DDX21: variants seen among roughly 807,000 people sequenced by gnomAD.
DDX21 encodes the protein DExD-box helicase 21.
Under a neutral mutation model 90.0 loss-of-function variants are expected in DDX21, and 18 were observed. The ratio of observed to expected loss-of-function variants is 0.20; its 90% CI spans 0.14 to 0.30. DDX21 has a LOEUF of 0.30. DDX21 is among the 10% of genes least tolerant of loss of function. The pLI, the probability that DDX21 is intolerant of heterozygous loss-of-function variation, is 1.00. For missense variants in DDX21, 673 were observed against 944.5 expected (o/e 0.71, Z 3.77); for synonymous variants, 294 against 318.0 (o/e 0.92, Z 0.80).
intron 2 of DDX21, among the ~76,000 whole-genome samples, chr10:68,961,100 A>G (rs1229272960): frequency 6.6e-6 from 1 of 152,198 alleles, no homozygotes; most frequent in Non-Finnish European, 1.5e-5. Context: ...TACGAATTGT[A>G]TTAAAAAAAT....
At chr10:68,956,571 C>G in intron 1 of DDX21, 2 of 1,312,854 alleles carry the variant, frequency 1.5e-6, no homozygotes, top group Non-Finnish European at 2.0e-6. Context: ...GGTCGGAACT[C>G]TGGTAGAGAG....
intron 5 of DDX21, 123 bp downstream of exon 5, chr10:68,965,617 T>A: frequency 1.4e-6 from 1 of 696,418 alleles, no homozygotes; most frequent in Non-Finnish European, 2.4e-6. Context: ...GGGATTTTCT[T>A]TTGCCATTGT....
rs1843216400 is a variant in DDX21 at position 68,982,942 on chromosome 10, TCAGA to T, written c.*133_*136del. ...ACCACTTGCCAAGTCCCTGTCTCTT[TCAGA>T]CACAGACAAGCTTCATTTAAATTAT... On this transcript the variant is annotated 3_prime_UTR_variant, in exon 15 of 15. Coordinates refer to ENST00000354185, the MANE Select transcript of DDX21 (RefSeq NM_004728.4). 3.6e-6 allele frequency: 4 copies of T among 1,115,948 alleles called. No individual in the cohort carries two copies. The South Asian group carries it at 6.7e-5, about 19-fold the overall frequency. 69.1% of individuals were successfully genotyped at this position (1,115,948 alleles called of 1,614,324 possible).
intron 8 of DDX21, among the ~76,000 whole-genome samples, chr10:68,970,583 T>G (rs889246940): frequency 1.3e-5 from 2 of 151,296 alleles, no homozygotes. Flanking sequence ...TGAGTTCAAG[T>G]GATTCTCCCA....
In DDX21 at chr10:68,972,042, C is replaced by T; in HGVS notation, c.1538C>T (p.Ser513Phe). 1 of 1,613,668 alleles carries T rather than the reference C, an allele frequency of 6.2e-7. No individual in the cohort carries two copies. Among genetic ancestry groups the T allele is most frequent in the Non-Finnish European group, 8.5e-7 (1 of 1,179,764 alleles). The change falls in exon 9 of 15, where the codon TCT becomes TTT. Residue 513 changes from serine to phenylalanine, a missense_variant. This residue lies in a region of DDX21 where 26 missense variants were observed against 76.9 expected (regional missense o/e 0.34). Coordinates refer to ENST00000354185, the MANE Select transcript of DDX21 (RefSeq NM_004728.4). ...GAGGTTGATTTGGTTATACAAAGCTCTCCACCAAAGGTATGTGCTTTATGC... is the reference window on the plus strand; with the variant it reads ...GAGGTTGATTTGGTTATACAAAGCTTTCCACCAAAGGTATGTGCTTTATGC... ...IPEVDLVIQSSPPKDVESYIH... is the reference protein window; with the variant it reads ...IPEVDLVIQSFPPKDVESYIH...
At chr10:68,977,974 G>A (rs1351822498) in intron 12 of DDX21, among the ~76,000 whole-genome samples, 2 of 151,974 alleles carry the variant, frequency 1.3e-5, no homozygotes, top group South Asian at 4.1e-4. Flanking sequence ...AAATTAGCTG[G>A]GCGTGGTGAC....
At position 68,959,818 on chromosome 10, in the gene DDX21, G is replaced by T; in HGVS notation, c.100G>T (p.Glu34Ter). ...GAATTTTTTTTAGAAAGAGAAAAAAGAGAAGCCAAAATCTGATAAGACTGA... is the reference window on the plus strand; with the variant it reads ...GAATTTTTTTTAGAAAGAGAAAAAATAGAAGCCAAAATCTGATAAGACTGA... ...RKQTEEKEKK[E>*]KPKSDKTEEI... Residue 34 changes from glutamate to a stop codon, truncating the protein, a stop_gained, in exon 2 of 15, where the codon GAG (glutamate) becomes TAG (stop). Transcript: ENST00000354185. LOFTEE classifies it high-confidence loss of function. 2 of 1,532,680 alleles carry T rather than the reference G, an allele frequency of 1.3e-6. No homozygotes were observed. The highest frequency in any genetic ancestry group is 1.3e-5 in the South Asian group (1 of 77,302). The allele number at this position is 1,532,680 out of a possible 1,614,324, so 94.9% of individuals were successfully genotyped here.
At chr10:68,970,955 A>ATTTTTTTTTTT (rs56314802) in intron 8 of DDX21, among the ~76,000 whole-genome samples, 2 of 72,520 alleles carry the variant, frequency 2.8e-5, no homozygotes, top group African/African-American at 5.0e-5. Flanking sequence ...GCCCAGCCTA[A>ATTTTTTTTTTT]TTTTTTTTTT....
Position 68,982,690 on chromosome 10 carries a change from T to C in DDX21, c.2230T>C (p.Phe744Leu). Residue 744 changes from phenylalanine (F) to leucine (L), a missense_variant, in exon 15 of 15, where the codon TTC (phenylalanine) becomes CTC (leucine). By Grantham distance (22) the Phe-to-Leu change is conservative (BLOSUM62 0). Transcript: ENST00000354185. ...GGGACAGCGGGACGGAAACAGAAGA[T>C]TCAGAGGACAGCGGGAAGGCAGTAG... Reference protein sequence around the residue: ...FRGQRDGNRRFRGQREGSRGP... With the variant: ...FRGQRDGNRRLRGQREGSRGP... The C allele has an allele frequency of 6.2e-7, 1 of 1,613,710 alleles. No homozygotes were observed. Among genetic ancestry groups the C allele is most frequent in the Non-Finnish European group, 8.5e-7 (1 of 1,179,954 alleles).
chr10:68,966,169 A>G (rs982489304), intron 5 of DDX21, among the ~76,000 whole-genome samples: 19 of 150,886 alleles, frequency 1.3e-4, no homozygotes, highest in Non-Finnish European at 1.9e-4. Context: ...GGTGGCAGGC[A>G]CCTGTAGTCC....
At position 68,956,218 on chromosome 10, in the gene DDX21, C is replaced by G; in HGVS notation, c.-8C>G. ...AAGACCGGTCGGCCTGGGCAACCTG[C>G]GCTGAAGATGCCGGGAAAACTCCGT... On this transcript the variant is annotated 5_prime_UTR_variant, in exon 1 of 15. Coordinates refer to ENST00000354185, the MANE Select transcript of DDX21 (RefSeq NM_004728.4). The G allele has an allele frequency of 1.1e-5, 17 of 1,613,770 alleles. No individual in the cohort carries two copies. The highest frequency in any genetic ancestry group is 1.4e-5 in the Non-Finnish European group (17 of 1,179,838).
chr10:68,974,424 A>G (rs1843067058), intron 10 of DDX21, among the ~76,000 whole-genome samples: 1 of 152,256 alleles, frequency 6.6e-6, no homozygotes, highest in African/African-American at 2.4e-5. Flanking sequence ...GGGTTTGATT[A>G]ATAGTTTAGC....
rs752920998 is a variant in DDX21 at position 68,982,642 on chromosome 10, C to T, written c.2182C>T (p.Arg728Trp). Residue 728 changes from arginine to tryptophan, a missense_variant, in exon 15 of 15, where the codon CGG becomes TGG. By Grantham distance (101) the Arg-to-Trp change is moderately radical (BLOSUM62 -3). Transcript: ENST00000354185. Reference protein sequence around the residue: ...REGYGGFRGQREGSRGFRGQR... With the variant: ...REGYGGFRGQWEGSRGFRGQR... ...AGGATATGGAGGCTTCAGGGGACAGCGGGAAGGCAGTCGAGGCTTCAGGGG... is the reference window on the plus strand; with the variant it reads ...AGGATATGGAGGCTTCAGGGGACAGTGGGAAGGCAGTCGAGGCTTCAGGGG... The T allele has an allele frequency of 1.1e-5, 18 of 1,612,908 alleles. No individual in the cohort carries two copies. The highest frequency in any genetic ancestry group is 6.7e-5 in the East Asian group (3 of 44,880).
chr10:68,972,405 CTG>C (rs981130182), intron 9 of DDX21, among the ~76,000 whole-genome samples: 1 of 152,148 alleles, frequency 6.6e-6, no homozygotes, highest in African/African-American at 2.4e-5. Context: ...TAATTAACCT[CTG>C]TGGTTAGAGA....
At chr10:68,961,893 T>TTATG (rs1372844179) in intron 2 of DDX21, among the ~76,000 whole-genome samples, 189 bp from the exon 3 acceptor site, 1 of 152,208 alleles carries the variant, frequency 6.6e-6, no homozygotes, top group African/African-American at 2.4e-5. Flanking sequence ...TTTTATAGAT[T>TTATG]TATGACAATG....
chr10:68,956,195 G>T lies in DDX21; in HGVS notation c.-31G>T. On this transcript the variant is annotated 5_prime_UTR_variant, in exon 1 of 15. Transcript: ENST00000354185. ...CTCTTCCTCTCCACGCGGTTGAGAA[G>T]ACCGGTCGGCCTGGGCAACCTGCGC... 6.2e-7 allele frequency: 1 copy of T among 1,611,556 alleles called. No individual in the cohort carries two copies. Among genetic ancestry groups the T allele is most frequent in the Non-Finnish European group, 8.5e-7 (1 of 1,178,518 alleles).
chr10:68,956,838 C>G, intron 1 of DDX21: 2 of 808,486 alleles, frequency 2.5e-6, no homozygotes, highest in Non-Finnish European at 3.0e-6. Flanking sequence ...GTCAGGAGTT[C>G]GAGACCAGCC....
chr10:68,973,506 T>C, intron 9 of DDX21, 39 bp from the exon 10 acceptor site: 1 of 1,612,610 alleles, frequency 6.2e-7, no homozygotes, highest in Non-Finnish European at 8.5e-7. Context: ...TTGTCTCTCT[T>C]TTTTGGTTTA....
chr10:68,956,350 A>G (rs5030896), intron 1 of DDX21, 38 bp downstream of exon 1: 1,486,331 of 1,612,870 alleles, frequency 0.92, 685,448 homozygotes, highest in East Asian at 1. Context: ...GGGACGCTGA[A>G]TGGAGCGGAA....
Sources: allele counts gnomAD v4.1 joint callset (sites outside exome capture counted in the v4.1 genomes callset), GRCh38; gene constraint gnomAD v4.1.1; regional missense constraint gnomAD v4.1.1; transcripts MANE v1.5; gene names NCBI Gene and HGNC (gene_info 2026-07-23, HGNC 2026-07-21).